DPP3: variants seen among roughly 807,000 people sequenced by gnomAD.
DPP3 encodes the protein DPP III.
In DPP3, 64 loss-of-function variants were observed where a neutral mutation model predicts 89.8. That is an observed-to-expected ratio of 0.71 (90% CI 0.58 to 0.88). The LOEUF is 0.88. Ranked by LOEUF, DPP3 falls within the 40% of genes least tolerant of loss-of-function variation. DPP3 has a pLI of 0.00. For synonymous variants in DPP3, 377 were observed against 404.3 expected (o/e 0.93, Z 0.81); for missense variants, 835 against 972.5 (o/e 0.86, Z 1.88).
At chr11:66,491,115 C>T (rs1855371539) in intron 6 of DPP3, 138 bp from the exon 7 acceptor site, 2 of 1,328,378 alleles carry the variant, frequency 1.5e-6, no homozygotes, top group Non-Finnish European at 2.1e-6. Context: ...TGTCTGTTGG[C>T]TACAGGGAGC....
chr11:66,495,832 G>A (rs954662003), intron 15 of DPP3, 82 bp downstream of exon 15: 143 of 1,538,350 alleles, frequency 9.3e-5, no homozygotes, highest in Non-Finnish European at 1.2e-4. Flanking sequence ...TGGGACCACT[G>A]TACCTTTAAG....
chr11:66,493,195 C>G lies in DPP3; in HGVS notation c.1296+16C>G. The G allele has an allele frequency of 6.2e-7, 1 of 1,608,156 alleles. No individual in the cohort carries two copies. The highest frequency in any genetic ancestry group is 8.5e-7 in the Non-Finnish European group (1 of 1,176,382). On this transcript the variant is annotated intron_variant, in intron 11 of 17. Transcript: ENST00000531863. ...GGATGACAAGGTGGGCGCCAGCAGT[C>G]GGAGGGTCGGGGCTGGGCCTCACCT...
intron 17 of DPP3, among the ~76,000 whole-genome samples, chr11:66,507,568 A>C (rs1479855984): frequency 1.3e-5 from 2 of 152,138 alleles, no homozygotes; most frequent in Non-Finnish European, 2.9e-5. Flanking sequence ...TAGAGGAGGG[A>C]AGATCGCATC....
chr11:66,507,907 C>A (rs564339742), intron 17 of DPP3, among the ~76,000 whole-genome samples: 2 of 152,036 alleles, frequency 1.3e-5, no homozygotes, highest in Non-Finnish European at 2.9e-5. Flanking sequence ...GAACTCCTGA[C>A]CTCAAGTGAT....
chr11:66,483,412 T>C (rs1458359885), intron 2 of DPP3, among the ~76,000 whole-genome samples: 1 of 152,210 alleles, frequency 6.6e-6, no homozygotes. Flanking sequence ...TTTTCTTTTT[T>C]ATAGAAATGA....
chr11:66,499,321 C>A (rs1460798452), intron 16 of DPP3, among the ~76,000 whole-genome samples: 1 of 151,822 alleles, frequency 6.6e-6, no homozygotes, highest in African/African-American at 2.4e-5. Flanking sequence ...CGAGATTGCG[C>A]CACTGCACTC....
At chr11:66,492,588 A>C in intron 9 of DPP3, 128 bp from the exon 10 acceptor site, 4 of 1,139,850 alleles carry the variant, frequency 3.5e-6, no homozygotes, top group Non-Finnish European at 1.2e-6. Flanking sequence ...GGTCACTGCT[A>C]TCCCCATCTT....
intron 10 of DPP3, 62 bp from the exon 11 acceptor site, chr11:66,493,005 G>T (rs1855435805): frequency 6.2e-7 from 1 of 1,609,622 alleles, no homozygotes; most frequent in Admixed American, 1.7e-5. Context: ...ACTGCTCTGT[G>T]CCTCTTGTCT....
intron 2 of DPP3, among the ~76,000 whole-genome samples, chr11:66,484,474 G>A (rs1286651855): frequency 2.6e-5 from 4 of 152,006 alleles, no homozygotes; most frequent in African/African-American, 9.7e-5. Flanking sequence ...ACTCCTGGAG[G>A]GGAGCTCCAG....
chr11:66,488,090 C>T, intron 6 of DPP3, 83 bp downstream of exon 6: 3 of 1,205,718 alleles, frequency 2.5e-6, no homozygotes, highest in Non-Finnish European at 3.5e-6. Flanking sequence ...AACTCTGCCA[C>T]TCCTTCAGAA....
At chr11:66,504,085 C>T (rs890226712) in intron 16 of DPP3, among the ~76,000 whole-genome samples, 1 of 152,140 alleles carries the variant, frequency 6.6e-6, no homozygotes, top group Admixed American at 6.6e-5. Context: ...AAAATGGCAA[C>T]AGGGCCAAAC....
intron 15 of DPP3, among the ~76,000 whole-genome samples, chr11:66,496,539 C>T (rs1281344917): frequency 1.3e-5 from 2 of 152,062 alleles, no homozygotes; most frequent in Non-Finnish European, 2.9e-5. Flanking sequence ...CTCAGCCTCC[C>T]GAGTGGCTAG....
intron 1 of DPP3, 89 bp from the exon 2 acceptor site, chr11:66,482,104 G>T (rs2134714253): frequency 1.3e-6 from 2 of 1,517,372 alleles, no homozygotes; most frequent in South Asian, 2.5e-5. Flanking sequence ...GGGCTTTTGG[G>T]AGGATTAAAT....
intron 12 of DPP3, 113 bp from the exon 13 acceptor site, chr11:66,495,093 G>C (rs573286042): frequency 1.3e-6 from 2 of 1,497,544 alleles, no homozygotes; most frequent in African/African-American, 2.8e-5. Context: ...CCCGCCGCCC[G>C]CTCCTGCGCT....
rs568206028 is a variant in DPP3 at position 66,493,282 on chromosome 11, A to G, written c.1296+103A>G. The G allele has an allele frequency of 5.7e-6, 6 of 1,045,448 alleles. No individual in the cohort carries two copies. The African/African-American group carries it at 7.9e-5, about 14-fold the overall frequency. The allele number at this position is 1,045,448 out of a possible 1,614,324, so 64.8% of individuals were successfully genotyped here. A position where few individuals can be genotyped will look rare whatever the true frequency, so the allele number is the denominator to read the frequency against. ...AGTAGAGAGGAAAGCACATAGCTTC[A>G]GTCCTGGCTCTGCCACTTCCCAACC... On this transcript the variant is annotated intron_variant, in intron 11 of 17. Coordinates refer to ENST00000531863, the MANE Select transcript of DPP3 (RefSeq NM_130443.4).
At chr11:66,491,809 C>T in intron 9 of DPP3, 53 bp downstream of exon 9, 2 of 1,597,364 alleles carry the variant, frequency 1.3e-6, no homozygotes, top group Non-Finnish European at 1.7e-6. Context: ...ACATCCAAGT[C>T]CACGTTTCCA....
chr11:66,487,371 A>G, intron 5 of DPP3, 29 bp downstream of exon 5: 1 of 1,610,726 alleles, frequency 6.2e-7, no homozygotes, highest in Non-Finnish European at 8.5e-7. Context: ...TCAAGGTAGC[A>G]GAGGTTTGGT....
chr11:66,480,784 GTCAGACCT>G (rs1256114083), intron 1 of DPP3: 1 of 304,290 alleles, frequency 3.3e-6, no homozygotes, highest in East Asian at 5.4e-5. Context: ...CAACGGGGCT[GTCAGACCT>G]TCAGTAAATT....
At chr11:66,484,679 AC>A (rs1407331666) in intron 2 of DPP3, among the ~76,000 whole-genome samples, 2 of 79,752 alleles carry the variant, frequency 2.5e-5, no homozygotes, top group Non-Finnish European at 5.2e-5. Context: ...CCACCCTCCC[AC>A]CCACAAAAGG....
Sources: allele counts gnomAD v4.1 joint callset (sites outside exome capture counted in the v4.1 genomes callset), GRCh38; gene constraint gnomAD v4.1.1; transcripts MANE v1.5; gene names NCBI Gene and HGNC (gene_info 2026-07-23, HGNC 2026-07-21).